Variants in AUTS2 observed in about 807,000 individuals in gnomAD.
The protein encoded by AUTS2 is activator of transcription and developmental regulator AUTS2, also known as autism susceptibility gene 2 protein.
A neutral mutation model predicts 112.4 loss-of-function variants in AUTS2; 17 were observed. The ratio of observed to expected loss-of-function variants is 0.15; its 90% confidence interval spans 0.10 to 0.23. The LOEUF (loss-of-function observed/expected upper bound fraction) is 0.23, where lower values mean the gene tolerates loss of function less well. AUTS2 is among the 10% of genes least tolerant of loss of function. AUTS2 has a pLI of 1.00. For synonymous variants in AUTS2, 751 were observed against 702.7 expected, an observed-to-expected ratio of 1.07 and a Z score of -1.09; for missense variants, 1,510 against 1,701.6, an observed-to-expected ratio of 0.89 and a Z score of 1.98.
At chr7:70,495,549 A>C (rs185568633) in intron 5 of AUTS2, among the ~76,000 whole-genome samples, 1 of 151,334 alleles carries the variant, frequency 6.6e-6, no homozygotes, top group Non-Finnish European at 1.5e-5. Flanking sequence ...ATAGACACAC[A>C]CCCCCCGCAC....
chr7:70,727,125 G>A (rs1787083020), intron 6 of AUTS2, among the ~76,000 whole-genome samples: 1 of 152,160 alleles, frequency 6.6e-6, no homozygotes, highest in African/African-American at 2.4e-5. Flanking sequence ...GTGTCTAAGG[G>A]GAGGAAGGTT....
chr7:69,967,962 A>G (rs1797698174), intron 2 of AUTS2, among the ~76,000 whole-genome samples: 1 of 152,214 alleles, frequency 6.6e-6, no homozygotes, highest in South Asian at 2.1e-4. Flanking sequence ...TGGATGAAGC[A>G]CAAGCTCTTT....
At chr7:69,721,151 T>C (rs1234010197) in intron 1 of AUTS2, among the ~76,000 whole-genome samples, 1 of 152,210 alleles carries the variant, frequency 6.6e-6, no homozygotes, top group East Asian at 1.9e-4. Flanking sequence ...GTGTTGCTTA[T>C]GATGCTCCAT....
intron 1 of AUTS2, among the ~76,000 whole-genome samples, chr7:69,848,866 C>T (rs541483920): frequency 5.9e-5 from 9 of 152,016 alleles, no homozygotes; most frequent in African/African-American, 1.4e-4. Context: ...GGACTCCCCC[C>T]GCCCCCCGCC....
At chr7:69,735,785 C>G (rs755455027) in intron 1 of AUTS2, among the ~76,000 whole-genome samples, 38 of 152,242 alleles carry the variant, frequency 2.5e-4, no homozygotes, top group Non-Finnish European at 5.3e-4. Context: ...ATCTGATTTG[C>G]TGCTGTAGAC....
intron 5 of AUTS2, among the ~76,000 whole-genome samples, chr7:70,508,932 A>G (rs1799077633): frequency 6.6e-6 from 1 of 152,090 alleles, no homozygotes; most frequent in African/African-American, 2.4e-5. Context: ...TTTTTCTAGA[A>G]TTTTTGTTCT....
intron 4 of AUTS2, among the ~76,000 whole-genome samples, chr7:70,193,655 T>C (rs926803448): frequency 2.0e-5 from 3 of 152,194 alleles, no homozygotes; most frequent in Non-Finnish European, 4.4e-5. Flanking sequence ...TGTCCAGCAA[T>C]AGGAAAAAGA....
intron 4 of AUTS2, among the ~76,000 whole-genome samples, chr7:70,214,341 C>G (rs1811066397): frequency 6.6e-6 from 1 of 152,202 alleles, no homozygotes. Context: ...CAAGCTCATT[C>G]TTGCACTGCA....
intron 1 of AUTS2, among the ~76,000 whole-genome samples, chr7:69,602,040 ATGTGTGTGTGTGTGTG>A (rs6150156): frequency 2.4e-3 from 112 of 46,192 alleles, no homozygotes; most frequent in African/African-American, 5.5e-3. Flanking sequence ...ATATATATAT[ATGTGTGTGTGTGTGTG>A]TGTGTGTGTG....
At chr7:69,716,459 G>C (rs1346133294) in intron 1 of AUTS2, among the ~76,000 whole-genome samples, 1 of 152,104 alleles carries the variant, frequency 6.6e-6, no homozygotes, top group Non-Finnish European at 1.5e-5. Flanking sequence ...CTGAACTTCT[G>C]AGAGATAGTG....
intron 5 of AUTS2, among the ~76,000 whole-genome samples, chr7:70,607,517 A>T (rs1803848296): frequency 6.6e-6 from 1 of 152,116 alleles, no homozygotes; most frequent in African/African-American, 2.4e-5. Context: ...GAGTCTGGGG[A>T]ACTTTGGGAG....
intron 5 of AUTS2, among the ~76,000 whole-genome samples, chr7:70,659,197 G>C (rs186120317): frequency 6.6e-6 from 1 of 152,170 alleles, no homozygotes; most frequent in Non-Finnish European, 1.5e-5. Context: ...AGTGAGGTTC[G>C]GCACCTGACC....
chr7:70,155,424 A>G (rs777406299), intron 4 of AUTS2, among the ~76,000 whole-genome samples: 1 of 151,454 alleles, frequency 6.6e-6, no homozygotes, highest in Non-Finnish European at 1.5e-5. Flanking sequence ...TGTGGCCTCA[A>G]CATACAGGTG....
At chr7:70,290,440 A>G (rs1438488311) in intron 4 of AUTS2, 2 of 1,544,000 alleles carry the variant, frequency 1.3e-6, no homozygotes, top group African/African-American at 1.4e-5. Context: ...GGATGTCAGC[A>G]ACACTTCATC....
chr7:70,061,471 TAAGA>T (rs1445812463), intron 2 of AUTS2, among the ~76,000 whole-genome samples: 2 of 152,190 alleles, frequency 1.3e-5, no homozygotes, highest in African/African-American at 4.8e-5. Flanking sequence ...ATTAAAATTT[TAAGA>T]GAGAGGAAGA....
intron 1 of AUTS2, among the ~76,000 whole-genome samples, chr7:69,800,091 A>T (rs1310357191): frequency 6.6e-6 from 1 of 152,198 alleles, no homozygotes; most frequent in Non-Finnish European, 1.5e-5. Context: ...TTAAGCATAT[A>T]CTCTCTGAAA....
At chr7:70,188,929 TAG>T (rs1213248417) in intron 4 of AUTS2, among the ~76,000 whole-genome samples, 2 of 152,008 alleles carry the variant, frequency 1.3e-5, no homozygotes, top group Non-Finnish European at 2.9e-5. Context: ...TCTGGAAGTC[TAG>T]ATATATATTT....
chr7:70,481,545 C>T (rs1257787722), intron 5 of AUTS2, among the ~76,000 whole-genome samples: 1 of 152,216 alleles, frequency 6.6e-6, no homozygotes, highest in Non-Finnish European at 1.5e-5. Flanking sequence ...GGTCCCGTCA[C>T]ACATCTCACC....
At chr7:70,101,740 G>A (rs1438762383) in intron 2 of AUTS2, among the ~76,000 whole-genome samples, 1 of 151,942 alleles carries the variant, frequency 6.6e-6, no homozygotes, top group African/African-American at 2.4e-5. Flanking sequence ...AAAAGGTAGA[G>A]AGTATGTCTA....
Sources: allele counts gnomAD v4.1 joint callset (sites outside exome capture counted in the v4.1 genomes callset), GRCh38; gene constraint gnomAD v4.1.1; transcripts MANE v1.5; gene names NCBI Gene and HGNC (gene_info 2026-07-23, HGNC 2026-07-21).